DLGAP2: variants seen among roughly 807,000 people sequenced by gnomAD.
The protein encoded by DLGAP2 is disks large-associated protein 2.
DLGAP2 carries 26 observed loss-of-function variants against 100.3 expected under a neutral mutation model. That is an observed-to-expected ratio of 0.26 (90% CI 0.19 to 0.36). The LOEUF (loss-of-function observed/expected upper bound fraction) is 0.36. DLGAP2 is among the 10% of genes least tolerant of loss of function. The pLI, the probability that DLGAP2 is intolerant of heterozygous loss-of-function variation, is 1.00. For missense variants in DLGAP2, 1,858 were observed against 1,453.2 expected (o/e 1.28, Z -4.53); for synonymous variants, 886 against 630.1 (o/e 1.41, Z -6.08).
chr8:1,205,494 CAG>C (rs1491271969), intron 2 of DLGAP2, among the ~76,000 whole-genome samples: 1 of 152,184 alleles, frequency 6.6e-6, no homozygotes, highest in African/African-American at 2.4e-5. Flanking sequence ...AGGCAATTGA[CAG>C]GGGGACCCTC....
chr8:1,368,113 G>A (rs1342783410), intron 3 of DLGAP2, among the ~76,000 whole-genome samples: 1 of 152,214 alleles, frequency 6.6e-6, no homozygotes, highest in African/African-American at 2.4e-5. Flanking sequence ...CTGATTGTAT[G>A]TATGTAGGCA....
intron 3 of DLGAP2, among the ~76,000 whole-genome samples, chr8:1,471,431 G>A (rs1798788003): frequency 6.6e-6 from 1 of 151,052 alleles, no homozygotes; most frequent in Admixed American, 6.6e-5. Context: ...CCCAAACAAG[G>A]CTTCCATCTG....
At chr8:1,540,501 T>A (rs1172958466) in intron 4 of DLGAP2, among the ~76,000 whole-genome samples, 1 of 152,006 alleles carries the variant, frequency 6.6e-6, no homozygotes, top group Non-Finnish European at 1.5e-5. Flanking sequence ...CTAAAACCTC[T>A]CCAATTCTGT....
At chr8:1,076,863 G>A (rs1195118819) in intron 2 of DLGAP2, among the ~76,000 whole-genome samples, 2 of 141,022 alleles carry the variant, frequency 1.4e-5, no homozygotes, top group African/African-American at 5.4e-5. Context: ...TCTGTCCTGG[G>A]CCCCCCCAAT....
chr8:1,134,426 T>A (rs1167705205), intron 2 of DLGAP2, among the ~76,000 whole-genome samples: 1 of 152,192 alleles, frequency 6.6e-6, no homozygotes, highest in Non-Finnish European at 1.5e-5. Flanking sequence ...TCCACAATGG[T>A]TGAGTAATTT....
chr8:1,561,951 T>A (rs1191675569), intron 5 of DLGAP2, among the ~76,000 whole-genome samples: 1 of 56,278 alleles, frequency 1.8e-5, no homozygotes, highest in African/African-American at 6.9e-5. Flanking sequence ...GACTGTGTGG[T>A]GTTGGGGTGT....
intron 12 of DLGAP2, among the ~76,000 whole-genome samples, chr8:1,684,008 G>A (rs1442896686): frequency 2.5e-5 from 3 of 122,212 alleles, no homozygotes; most frequent in African/African-American, 9.5e-5. Context: ...TTAAGACGAA[G>A]TCTCACTCTG....
intron 6 of DLGAP2, among the ~76,000 whole-genome samples, chr8:1,570,815 A>G (rs59078339): frequency 1.7e-3 from 104 of 63,010 alleles, no homozygotes; most frequent in South Asian, 3.2e-3. Flanking sequence ...AACTGTGGGG[A>G]TGTCTGATGA....
chr8:1,423,158 T>G (rs1209684093), intron 3 of DLGAP2, among the ~76,000 whole-genome samples: 1 of 152,194 alleles, frequency 6.6e-6, no homozygotes, highest in Non-Finnish European at 1.5e-5. Flanking sequence ...AGCTAAAGCC[T>G]AGGTGGCAAG....
chr8:1,629,194 A>C (rs1797584244), intron 7 of DLGAP2, among the ~76,000 whole-genome samples: 1 of 152,208 alleles, frequency 6.6e-6, no homozygotes, highest in African/African-American at 2.4e-5. Context: ...GGTTGTACCC[A>C]GGACTTTTTC....
chr8:1,309,632 A>G (rs1329367938), intron 3 of DLGAP2, among the ~76,000 whole-genome samples: 2 of 152,248 alleles, frequency 1.3e-5, no homozygotes, highest in African/African-American at 2.4e-5. Flanking sequence ...GCTCAAAGCT[A>G]TATGAAGTGA....
chr8:917,519 C>T (rs772630666), intron 2 of DLGAP2, among the ~76,000 whole-genome samples: 31 of 151,966 alleles, frequency 2.0e-4, no homozygotes, highest in Non-Finnish European at 8.8e-5. Flanking sequence ...ATTACAGGTG[C>T]GAGCTACTGC....
At chr8:988,994 C>G (rs1016493657) in intron 2 of DLGAP2, among the ~76,000 whole-genome samples, 3 of 152,214 alleles carry the variant, frequency 2.0e-5, no homozygotes. Context: ...GCTGCCTGCA[C>G]TGCCTCCGCT....
At chr8:1,208,609 T>C (rs1175042318) in intron 2 of DLGAP2, among the ~76,000 whole-genome samples, 1 of 100,470 alleles carries the variant, frequency 1.0e-5, no homozygotes, top group East Asian at 3.7e-4. Context: ...TTCAACATAG[T>C]ACTAGAAGTC....
intron 3 of DLGAP2, among the ~76,000 whole-genome samples, chr8:1,344,296 C>T (rs1035273951): frequency 1.1e-4 from 16 of 152,144 alleles, no homozygotes; most frequent in African/African-American, 2.4e-4. Flanking sequence ...GGGTGGCTGG[C>T]GGGTCTGTGC....
At chr8:906,260 T>G (rs1798378215) in intron 1 of DLGAP2, among the ~76,000 whole-genome samples, 1 of 152,166 alleles carries the variant, frequency 6.6e-6, no homozygotes, top group Admixed American at 6.5e-5. Context: ...CACAGAAAAG[T>G]ATTTTGTGGG....
intron 6 of DLGAP2, among the ~76,000 whole-genome samples, chr8:1,567,652 C>T (rs915534079): frequency 1.1e-4 from 16 of 152,204 alleles, no homozygotes; most frequent in African/African-American, 2.4e-5. Flanking sequence ...CCTTTCTTCA[C>T]ATCAGGGACT....
intron 3 of DLGAP2, among the ~76,000 whole-genome samples, chr8:1,320,221 A>G (rs558644388): frequency 6.6e-6 from 1 of 152,056 alleles, no homozygotes; most frequent in Admixed American, 6.6e-5. Context: ...GGTAAGGATG[A>G]AATGATTTGC....
At chr8:1,244,369 C>T (rs1023299354) in intron 2 of DLGAP2, among the ~76,000 whole-genome samples, 1 of 152,250 alleles carries the variant, frequency 6.6e-6, no homozygotes, top group South Asian at 2.1e-4. Context: ...ATGTGTTAAA[C>T]GCTGTATGAA....
Sources: gnomAD v4.1 joint callset for allele counts (sites outside exome capture counted in the v4.1 genomes callset) on GRCh38, gnomAD v4.1.1 for gene constraint, MANE v1.5 for transcripts, NCBI Gene and HGNC (gene_info 2026-07-23, HGNC 2026-07-21) for gene names.